Variants in DNM3 observed in about 807,000 individuals in gnomAD.
The protein encoded by DNM3 is dynamin-3.
DNM3 carries 47 observed loss-of-function variants against 101.6 expected under a neutral mutation model. That is an observed-to-expected ratio of 0.46 (90% confidence interval 0.37 to 0.59). The LOEUF (loss-of-function observed/expected upper bound fraction) is 0.59, where lower values mean the gene tolerates loss of function less well. Ranked by LOEUF, DNM3 falls within the 20% of genes least tolerant of loss-of-function variation. The pLI is 0.00. For synonymous variants in DNM3, 385 were observed against 387.9 expected, an observed-to-expected ratio of 0.99 and a Z score of 0.09; for missense variants, 849 against 1,085.7, an observed-to-expected ratio of 0.78 and a Z score of 3.06.
chr1:172,143,818 C>T (rs1271616631), intron 14 of DNM3, among the ~76,000 whole-genome samples: 1 of 152,120 alleles, frequency 6.6e-6, no homozygotes, highest in Non-Finnish European at 1.5e-5. Context: ...GGTCGGTGCT[C>T]TTCTCTGGGC....
chr1:171,906,893 G>A (rs960299947), intron 1 of DNM3, among the ~76,000 whole-genome samples: 9 of 152,254 alleles, frequency 5.9e-5, no homozygotes, highest in Non-Finnish European at 7.4e-5. Flanking sequence ...TTAGAGAGAC[G>A]ATGTAAAATA....
chr1:171,944,004 CAG>C (rs1234418497), intron 2 of DNM3, among the ~76,000 whole-genome samples: 1 of 151,974 alleles, frequency 6.6e-6, no homozygotes, highest in African/African-American at 2.4e-5. Flanking sequence ...TTGTTTGAAA[CAG>C]GGGTCAGCAA....
chr1:172,366,454 T>C (rs2068025129), intron 17 of DNM3: 1 of 151,896 alleles, frequency 6.6e-6, no homozygotes, highest in Non-Finnish European at 1.5e-5. Flanking sequence ...GATTAGAATA[T>C]TCATGAGCAA....
At chr1:172,260,197 C>G (rs2062584029) in intron 15 of DNM3, among the ~76,000 whole-genome samples, 1 of 152,028 alleles carries the variant, frequency 6.6e-6, no homozygotes, top group Non-Finnish European at 1.5e-5. Context: ...TGCTGTTAGT[C>G]TGATGGGGTT....
At chr1:172,126,345 G>A (rs1465858436) in intron 13 of DNM3, among the ~76,000 whole-genome samples, 3 of 152,190 alleles carry the variant, frequency 2.0e-5, no homozygotes, top group Non-Finnish European at 4.4e-5. Flanking sequence ...CATGGCAGCT[G>A]TAATCTTCTT....
intron 10 of DNM3, among the ~76,000 whole-genome samples, chr1:172,055,730 G>A (rs1289451736): frequency 1.3e-5 from 2 of 152,174 alleles, no homozygotes; most frequent in Admixed American, 1.3e-4. Context: ...GAAGTAGGAT[G>A]AAGGAAAATG....
chr1:172,098,245 C>T (rs549456241), intron 13 of DNM3, among the ~76,000 whole-genome samples: 6 of 152,254 alleles, frequency 3.9e-5, no homozygotes, highest in South Asian at 2.1e-4. Context: ...ACCCCCGAAG[C>T]GGCCATTTTA....
At chr1:171,954,133 T>C (rs1236015257) in intron 2 of DNM3, among the ~76,000 whole-genome samples, 1 of 152,212 alleles carries the variant, frequency 6.6e-6, no homozygotes, top group Non-Finnish European at 1.5e-5. Context: ...TTATTACTGG[T>C]TCATAGTGAA....
At chr1:172,258,088 A>G (rs1034185204) in intron 15 of DNM3, among the ~76,000 whole-genome samples, 31 of 152,126 alleles carry the variant, frequency 2.0e-4, no homozygotes, top group African/African-American at 6.5e-4. Flanking sequence ...TTCCAGTTCT[A>G]TCCATGTTGC....
At chr1:172,104,980 A>G (rs2054908862) in intron 13 of DNM3, among the ~76,000 whole-genome samples, 1 of 152,212 alleles carries the variant, frequency 6.6e-6, no homozygotes, top group African/African-American at 2.4e-5. Flanking sequence ...CAAAAGGAGA[A>G]TGATTATTGC....
rs2049189617 is a variant in DNM3 at position 172,039,274 on chromosome 1, G to A, written c.992+813G>A. Among the ~76,000 whole-genome samples the A allele has an allele frequency of 3.3e-5, 5 of 152,020 alleles. No homozygotes were observed. The South Asian group carries it at 1.0e-3, about 32-fold the overall frequency. Reference sequence around the variant, plus strand: ...GGTCTACCTCCGAAGATGATGTTTGGCACCTCTTATGGCGCACTTTTCTCC... The same window carrying A: ...GGTCTACCTCCGAAGATGATGTTTGACACCTCTTATGGCGCACTTTTCTCC... On this transcript the variant is annotated intron_variant, in intron 7 of 20. Transcript: ENST00000627582.
At chr1:172,060,402 C>A (rs1298035373) in intron 10 of DNM3, among the ~76,000 whole-genome samples, 2 of 77,518 alleles carry the variant, frequency 2.6e-5, no homozygotes, top group Non-Finnish European at 4.8e-5. Context: ...AATCCTAAGC[C>A]AAAAGAACAA....
intron 14 of DNM3, chr1:172,139,663 G>A (rs1378499746): frequency 6.6e-6 from 1 of 152,118 alleles, no homozygotes; most frequent in Non-Finnish European, 1.5e-5. Flanking sequence ...CAAACTGGAA[G>A]GCTGTTACTC....
intron 17 of DNM3, among the ~76,000 whole-genome samples, chr1:172,328,339 G>A (rs1377009076): frequency 6.6e-6 from 1 of 152,032 alleles, no homozygotes; most frequent in East Asian, 1.9e-4. Context: ...TAATGGAACT[G>A]GTTTAACACT....
At chr1:172,173,452 A>T (rs547784635) in intron 14 of DNM3, among the ~76,000 whole-genome samples, 1 of 151,632 alleles carries the variant, frequency 6.6e-6, no homozygotes, top group South Asian at 2.1e-4. Context: ...AGGTGAAGAC[A>T]TCCAATTGAA....
intron 10 of DNM3, among the ~76,000 whole-genome samples, chr1:172,056,693 A>C (rs1346020882): frequency 6.6e-6 from 1 of 151,360 alleles, no homozygotes; most frequent in Non-Finnish European, 1.5e-5. Flanking sequence ...ACCCATCTGT[A>C]CATCACCATC....
At chr1:172,405,494 C>T (rs1190750051) in intron 20 of DNM3, among the ~76,000 whole-genome samples, 1 of 152,140 alleles carries the variant, frequency 6.6e-6, no homozygotes, top group East Asian at 1.9e-4. Flanking sequence ...AAGTCAGTTT[C>T]ATTCCTTTCT....
Position 172,235,738 on chromosome 1 carries a change from C to T in DNM3, c.1660-17835C>T, listed in dbSNP as rs551476493. Among the ~76,000 whole-genome samples the T allele has an allele frequency of 1.4e-4, 21 of 152,072 alleles. No individual in the cohort carries two copies. The South Asian group carries it at 1.5e-3, about 11-fold the overall frequency. Reference sequence around the variant, plus strand: ...GAAACCATCATTCTCAGCAAACTATCGCAAGGACAAAAAACCAAACACCGC... The same window carrying T: ...GAAACCATCATTCTCAGCAAACTATTGCAAGGACAAAAAACCAAACACCGC... On this transcript the variant is annotated intron_variant, in intron 14 of 20. Coordinates refer to ENST00000627582, the MANE Select transcript of DNM3 (RefSeq NM_015569.5).
chr1:171,862,323 G>T (rs1334716471), intron 1 of DNM3, among the ~76,000 whole-genome samples: 1 of 152,104 alleles, frequency 6.6e-6, no homozygotes, highest in East Asian at 1.9e-4. Flanking sequence ...TAGCCAAAAG[G>T]TGGAAACACC....
Sources: allele counts gnomAD v4.1 joint callset (sites outside exome capture counted in the v4.1 genomes callset), GRCh38; gene constraint gnomAD v4.1.1; transcripts MANE v1.5; gene names NCBI Gene and HGNC (gene_info 2026-07-23, HGNC 2026-07-21).